ACO1: variants seen among roughly 807,000 people sequenced by gnomAD.
ACO1 encodes the protein cytoplasmic aconitate hydratase.
A neutral mutation model predicts 105.1 loss-of-function variants in ACO1; 78 were observed. The ratio of observed to expected loss-of-function variants is 0.74; its 90% CI spans 0.62 to 0.90. The LOEUF is 0.90. Among genes scored for constraint, ACO1 ranks in the 40% least tolerant of loss-of-function variants. The pLI, the probability that ACO1 is intolerant of heterozygous loss-of-function variation, is 0.00. For missense variants in ACO1, 965 were observed against 1,111.1 expected (o/e 0.87, Z 1.87); for synonymous variants, 364 against 397.4 (o/e 0.92, Z 1.00).
Position 32,431,742 on chromosome 9 carries a change from G to A in ACO1, c.1750G>A (p.Val584Ile), listed in dbSNP as rs769908972. The change falls in exon 15 of 21, where the codon GTA becomes ATA. Residue 584 changes from valine to isoleucine, a missense_variant. Physicochemically the swap from Val to Ile is conservative, Grantham distance 29. Coordinates refer to ENST00000309951, the MANE Select transcript of ACO1 (RefSeq NM_002197.3). ...AGGAGTAAATGCAAAGGGACAGCAG[G>A]TATTTCTGAAAGATATCTGGCCGAC... ...PLGVNAKGQQ[V>I]FLKDIWPTRD... 9 of 1,614,102 alleles carry A rather than the reference G, an allele frequency of 5.6e-6. No individual in the cohort carries two copies. Among genetic ancestry groups the A allele is most frequent in the Non-Finnish European group, 7.6e-6 (9 of 1,180,000 alleles).
At chr9:32,445,349 A>G (rs1027693268) in intron 19 of ACO1, 2 of 152,732 alleles carry the variant, frequency 1.3e-5, no homozygotes, top group Non-Finnish European at 2.9e-5. Context: ...GGGAGGGTGT[A>G]TGTGTCCAGG....
rs1013729099 is a variant in ACO1, at chr9:32,420,707, A to G, written c.799-149A>G. On this transcript the variant is annotated intron_variant, in intron 7 of 20. Coordinates refer to ENST00000309951, the MANE Select transcript of ACO1 (RefSeq NM_002197.3). ...TTGCATTTAGTTGGCATTGTTTTTT[A>G]AGTTTTGAAAGTGATCACAAATGTG... 2.0e-5 allele frequency: 15 copies of G among 767,898 alleles called. No individual in the cohort carries two copies. In the African/African-American group the frequency reaches 2.6e-4, roughly 13 times the overall value. 47.6% of individuals were successfully genotyped at this position (767,898 alleles called of 1,614,324 possible). A position where few individuals can be genotyped will look rare whatever the true frequency, so the allele number is the denominator to read the frequency against.
chr9:32,410,645 C>T (rs1402931268), intron 4 of ACO1, among the ~76,000 whole-genome samples: 2 of 151,812 alleles, frequency 1.3e-5, no homozygotes, highest in African/African-American at 4.8e-5. Context: ...TGGTAATCAA[C>T]AGATGGGAAT....
intron 1 of ACO1, among the ~76,000 whole-genome samples, chr9:32,399,741 T>C (rs1821447596): frequency 6.6e-6 from 1 of 152,020 alleles, no homozygotes; most frequent in African/African-American, 2.4e-5. Context: ...GATTGTCCTA[T>C]TAAGATATTT....
chr9:32,405,811 A>C (rs1211272834), intron 2 of ACO1, among the ~76,000 whole-genome samples: 2 of 152,212 alleles, frequency 1.3e-5, no homozygotes, highest in Non-Finnish European at 2.9e-5. Context: ...CATTTATATA[A>C]CACTTTATAG....
chr9:32,436,184 G>T lies in ACO1; in HGVS notation c.2100-66G>T, dbSNP rs749629283. ...TTTTGTTTTGTTTTTTTCTTTTCTT[G>T]GTGTAAGCTAAGGTTAATCTTTGCT... On this transcript the variant is annotated intron_variant, in intron 17 of 20. Coordinates refer to ENST00000309951, the MANE Select transcript of ACO1 (RefSeq NM_002197.3). 1.3e-6 allele frequency: 2 copies of T among 1,594,784 alleles called. No individual in the cohort carries two copies. The highest frequency in any genetic ancestry group is 8.6e-7 in the Non-Finnish European group (1 of 1,164,466).
chr9:32,397,827 T>C (rs1370347422), intron 1 of ACO1, among the ~76,000 whole-genome samples: 2 of 152,178 alleles, frequency 1.3e-5, no homozygotes, highest in Non-Finnish European at 2.9e-5. Context: ...GGAGAAATCT[T>C]TTTCTCTTGT....
chr9:32,414,623 T>G (rs987520317), intron 4 of ACO1, among the ~76,000 whole-genome samples: 11 of 152,168 alleles, frequency 7.2e-5, no homozygotes, highest in African/African-American at 2.7e-4. Flanking sequence ...CCTCCGTCAA[T>G]CATCAGTCAT....
At chr9:32,432,050 G>C (rs879397286) in intron 15 of ACO1, among the ~76,000 whole-genome samples, 1 of 152,114 alleles carries the variant, frequency 6.6e-6, no homozygotes, top group Non-Finnish European at 1.5e-5. Context: ...GATGTTCCCA[G>C]ATTTGGACAA....
In ACO1 at chr9:32,402,305, C is replaced by G. The variant is rs547371654; in HGVS notation, c.-22-3180C>G. On this transcript the variant is annotated intron_variant, in intron 1 of 20. Coordinates refer to ENST00000309951, the MANE Select transcript of ACO1 (RefSeq NM_002197.3). ...AATAGTGTGATATATGCTAACTCTT[C>G]CCTCTTTCAAAAAAGAAAAACACCA... 2.0e-5 allele frequency among the ~76,000 whole-genome samples: 3 copies of G among 152,218 alleles called. No individual in the cohort carries two copies. In the East Asian group the frequency reaches 5.8e-4, roughly 29 times the overall value.
chr9:32,421,020 G>A lies in ACO1; in HGVS notation c.963G>A (p.Val321=), dbSNP rs938186255. 3 of 1,613,870 alleles carry A rather than the reference G, an allele frequency of 1.9e-6. No homozygotes were observed. The highest frequency in any genetic ancestry group is 2.5e-6 in the Non-Finnish European group (3 of 1,179,832). Residue 321 remains valine (V), a synonymous_variant, in exon 8 of 21, where the codon GTG becomes GTA. Transcript: ENST00000309951. ...PVDEVSITYL[V]QTGRDEEKLK... ...ATGAAGTTAGTATCACGTACCTGGT[G>A]CAAACAGGTAAGTGAAGGGCCCTGA...
chr9:32,411,927 G>A (rs112366322), intron 4 of ACO1, among the ~76,000 whole-genome samples: 3 of 151,814 alleles, frequency 2.0e-5, no homozygotes, highest in Admixed American at 6.6e-5. Context: ...TCCCTAGACC[G>A]GGGTGGCGTG....
chr9:32,406,283 A>C (rs1158650015), intron 2 of ACO1, among the ~76,000 whole-genome samples: 1 of 118,692 alleles, frequency 8.4e-6, no homozygotes, highest in Non-Finnish European at 1.7e-5. Context: ...CATAAGGACT[A>C]TTACTCTGTG....
chr9:32,416,360 T>C (rs903064767), intron 4 of ACO1, among the ~76,000 whole-genome samples: 4 of 152,160 alleles, frequency 2.6e-5, no homozygotes, highest in African/African-American at 9.7e-5. Flanking sequence ...CCCAAAGTGC[T>C]GGGATTACAG....
chr9:32,426,225 CAG>C (rs1218662155), intron 11 of ACO1, among the ~76,000 whole-genome samples: 1 of 152,332 alleles, frequency 6.6e-6, no homozygotes, highest in East Asian at 1.9e-4. Context: ...AGAATTAACA[CAG>C]AAAATAAGTA....
chr9:32,404,508 A>G (rs1375944878), intron 1 of ACO1, among the ~76,000 whole-genome samples: 1 of 152,170 alleles, frequency 6.6e-6, no homozygotes, highest in Non-Finnish European at 1.5e-5. Context: ...AAAAATCTAG[A>G]TTACCAGTCT....
chr9:32,413,112 T>A (rs896767466), intron 4 of ACO1, among the ~76,000 whole-genome samples: 6 of 152,000 alleles, frequency 3.9e-5, no homozygotes, highest in African/African-American at 1.5e-4. Flanking sequence ...ACTGAAAACA[T>A]GAAAAACAGC....
chr9:32,449,940 C>A, intron 20 of ACO1, 58 bp from the exon 21 acceptor site: 8 of 1,421,734 alleles, frequency 5.6e-6, no homozygotes, highest in Non-Finnish European at 6.9e-6. Context: ...AGAATTTCCT[C>A]CGAGCAGAGC....
At chr9:32,419,214 C>A (rs1454725399) in intron 7 of ACO1, 37 bp downstream of exon 7, 1 of 1,506,368 alleles carries the variant, frequency 6.6e-7, no homozygotes, top group South Asian at 1.3e-5. Context: ...TCTTGGAAAG[C>A]CACAATGATA....
Sources: allele counts gnomAD v4.1 joint callset (sites outside exome capture counted in the v4.1 genomes callset), GRCh38; gene constraint gnomAD v4.1.1; transcripts MANE v1.5; gene names NCBI Gene and HGNC (gene_info 2026-07-23, HGNC 2026-07-21).